STRBP: variants seen among roughly 807,000 people sequenced by gnomAD.
STRBP encodes the protein spermatid perinuclear RNA binding protein.
A neutral mutation model predicts 80.1 loss-of-function variants in STRBP; 13 were observed. The observed-to-expected ratio is 0.16, with a 90% CI of 0.11 to 0.26. The LOEUF is 0.26. Ranked by LOEUF, STRBP falls within the 10% of genes least tolerant of loss-of-function variation. The probability of loss-of-function intolerance (pLI) is 1.00; values close to 1 mark genes in which losing one functional copy is unlikely to be tolerated. For missense variants in STRBP, 485 were observed against 815.2 expected (o/e 0.59, Z 4.93); for synonymous variants, 284 against 291.2 (o/e 0.98, Z 0.25).
At chr9:123,170,477 G>A (rs1249902958) in intron 5 of STRBP, among the ~76,000 whole-genome samples, 1 of 152,102 alleles carries the variant, frequency 6.6e-6, no homozygotes, top group Non-Finnish European at 1.5e-5. Flanking sequence ...CTCCTACTTG[G>A]CAAAAACTTA....
chr9:123,131,305 G>A (rs1042506431), intron 17 of STRBP, among the ~76,000 whole-genome samples: 1 of 152,188 alleles, frequency 6.6e-6, no homozygotes, highest in Non-Finnish European at 1.5e-5. Flanking sequence ...ACTGTGCTTA[G>A]GGTTCTAAGA....
In STRBP at chr9:123,115,345, AGACCTGGGAACG is replaced by A; in HGVS notation, c.*84+572_*84+583del. ...TGGCTCCTCTCCTGCCCTCGGCGGG[AGACCTGGGAACG>A]GGCCTGCCAGCGCCCAGCCCAGGGC... On this transcript the variant is annotated intron_variant and NMD_transcript_variant, in intron 3 of 3. Coordinates refer to the STRBP transcript ENST00000471564. The surrounding 1 kb of genome is among the most constrained non-coding windows in gnomAD (Gnocchi z 5.0). The A allele has an allele frequency of 2.1e-6, 1 of 470,992 alleles. No individual in the cohort carries two copies. The highest frequency in any genetic ancestry group is 1.5e-5 in the South Asian group (1 of 64,556). The allele number at this position is 470,992 out of a possible 1,614,324, so 29.2% of individuals were successfully genotyped here. A position where few individuals can be genotyped will look rare whatever the true frequency, so the allele number is the denominator to read the frequency against.
intron 2 of STRBP, among the ~76,000 whole-genome samples, chr9:123,232,313 G>A (rs923392439): frequency 3.9e-5 from 6 of 151,912 alleles, no homozygotes; most frequent in African/African-American, 1.5e-4. Context: ...TCCATCTCAA[G>A]AAAAAAGAAA....
rs2036551098 is a variant in STRBP at position 123,140,609 on chromosome 9, CAAAA to C, written c.1339-926_1339-923del. Among the ~76,000 whole-genome samples the C allele has an allele frequency of 3.3e-5, 5 of 151,862 alleles. 1 individual carries two copies. The South Asian group carries it at 8.3e-4, about 25-fold the overall frequency. Reference sequence around the variant, plus strand: ...ACTCTGTCTCAAAAAAACAAACAAACAAAACAAACAAACAAACAAAAAAAAACAA... The same window carrying C: ...ACTCTGTCTCAAAAAAACAAACAAACCAAACAAACAAACAAAAAAAAACAA... On this transcript the variant is annotated intron_variant, in intron 13 of 18. Transcript: ENST00000348403.
intron 9 of STRBP, 48 bp downstream of exon 9, chr9:123,159,048 A>T: frequency 6.9e-7 from 1 of 1,451,404 alleles, no homozygotes; most frequent in Non-Finnish European, 9.7e-7. Context: ...AAAATAAACT[A>T]AACTGAGATT....
At chr9:123,153,739 T>C (rs1413240827) in intron 11 of STRBP, among the ~76,000 whole-genome samples, 1 of 152,170 alleles carries the variant, frequency 6.6e-6, no homozygotes, top group East Asian at 1.9e-4. Context: ...TTTTGATATT[T>C]TGGTCTGAGT....
At chr9:123,206,300 A>G (rs1368288534) in intron 2 of STRBP, among the ~76,000 whole-genome samples, 1 of 152,242 alleles carries the variant, frequency 6.6e-6, no homozygotes, top group Non-Finnish European at 1.5e-5. Context: ...AGATAAAGCT[A>G]AAAAACAGAC....
intron 2 of STRBP, among the ~76,000 whole-genome samples, chr9:123,210,135 C>T (rs1297945557): frequency 6.6e-6 from 1 of 152,168 alleles, no homozygotes; most frequent in Non-Finnish European, 1.5e-5. Context: ...CTATCTTCTT[C>T]ATCTATTCTA....
In STRBP at chr9:123,222,951, C is replaced by CA. The variant is rs895203103; in HGVS notation, c.-165+13878dup. ...AAAAGATGTCTTTCGAGGTGAATAC[C>CA]AAAAAAAAAAGGCAAATGATAGCAA... On this transcript the variant is annotated intron_variant, in intron 2 of 18. Transcript: ENST00000348403. Among the ~76,000 whole-genome samples, 80 of 135,746 alleles carry CA rather than the reference C, an allele frequency of 5.9e-4. 1 individual carries two copies. Among genetic ancestry groups the CA allele is most frequent in the African/African-American group, 1.1e-3 (39 of 36,876 alleles). The allele number at this position is 135,746 out of a possible 152,430, so 89.1% of individuals were successfully genotyped here.
chr9:123,255,937 C>G (rs925167863), intron 1 of STRBP, among the ~76,000 whole-genome samples: 1 of 151,764 alleles, frequency 6.6e-6, no homozygotes, highest in Non-Finnish European at 1.5e-5. Context: ...AGGCTTGAAA[C>G]CCTGTAGTTG....
intron 2 of STRBP, among the ~76,000 whole-genome samples, chr9:123,200,570 CTTTT>C (rs1225601723): frequency 1.5e-5 from 2 of 134,498 alleles, no homozygotes; most frequent in Admixed American, 7.5e-5. Flanking sequence ...ATTTTTTTGT[CTTTT>C]TTTTTTTTTT....
chr9:123,191,197 T>TG (rs1196622671), intron 2 of STRBP, among the ~76,000 whole-genome samples: 1 of 151,904 alleles, frequency 6.6e-6, no homozygotes, highest in Non-Finnish European at 1.5e-5. Flanking sequence ...AGATAATACA[T>TG]GGAGAGGGAG....
At chr9:123,172,545 T>C (rs973167090) in intron 5 of STRBP, among the ~76,000 whole-genome samples, 2 of 152,138 alleles carry the variant, frequency 1.3e-5, no homozygotes. Flanking sequence ...CCAGAAAACA[T>C]TTCTCCATCA....
At position 123,110,177 on chromosome 9, in the gene STRBP, C is replaced by T. The variant is rs1258996236; in HGVS notation, c.*85-424G>A. 6.6e-6 allele frequency: 1 copy of T among 152,260 alleles called. No homozygotes were observed. The highest frequency in any genetic ancestry group is 2.4e-5 in the African/African-American group (1 of 41,418). The allele number at this position is 152,260 out of a possible 1,614,324, so 9.4% of individuals were successfully genotyped here. ...GGTCTAGACTGGCTGCACCTCCCAC[C>T]TTCCCAGACAGAGTTCTGCTTGGAG... On this transcript the variant is annotated intron_variant and NMD_transcript_variant, in intron 3 of 3. Coordinates refer to the STRBP transcript ENST00000471564. This position sits in a 1 kb window ranked among gnomAD's most constrained non-coding sequence, Gnocchi z 4.1.
At chr9:123,147,151 A>G in intron 12 of STRBP, 97 bp from the exon 13 acceptor site, 2 of 927,820 alleles carry the variant, frequency 2.2e-6, no homozygotes, top group Non-Finnish European at 3.2e-6. Flanking sequence ...AATTCACCAA[A>G]ATTTTTTTAA....
At chr9:123,173,587 T>G (rs1357239209) in intron 5 of STRBP, 90 bp downstream of exon 5, 4 of 1,373,680 alleles carry the variant, frequency 2.9e-6, no homozygotes, top group Non-Finnish European at 3.9e-6. Context: ...CTATTAGCTA[T>G]TAGCAATTCT....
rs2035883677 is a variant in STRBP, at chr9:123,126,102, G to GCAAA, written c.1943-430_1943-429insTTTG. ...CAGCTCCAGCTGGAGCCATGGCCAG[G>GCAAA]CGTTTACTTAACTTCTTAATGGCTA... On this transcript the variant is annotated intron_variant, in intron 18 of 18. Transcript: ENST00000348403. This position sits in a 1 kb window ranked among gnomAD's most constrained non-coding sequence, Gnocchi z 4.4. Among the ~76,000 whole-genome samples the GCAAA allele has an allele frequency of 6.6e-6, 1 of 152,208 alleles. No individual in the cohort carries two copies. Among genetic ancestry groups the GCAAA allele is most frequent in the Non-Finnish European group, 1.5e-5 (1 of 68,032 alleles).
At chr9:123,113,810 G>C (rs2035604558) in intron 3 of STRBP, 1 of 167,088 alleles carries the variant, frequency 6.0e-6, no homozygotes. Context: ...GCAGGGGTTG[G>C]CAAACTACAG....
At chr9:123,184,544 G>T (rs571125970) in intron 2 of STRBP, among the ~76,000 whole-genome samples, 2 of 152,236 alleles carry the variant, frequency 1.3e-5, no homozygotes, top group Non-Finnish European at 2.9e-5. Context: ...CACTCAATGA[G>T]ATAAATACAT....
Sources: gnomAD v4.1 joint callset for allele counts (sites outside exome capture counted in the v4.1 genomes callset) on GRCh38, gnomAD v4.1.1 for gene constraint, Gnocchi (gnomAD v3.1) non-coding constraint, MANE v1.5 for transcripts, NCBI Gene and HGNC (gene_info 2026-07-23, HGNC 2026-07-21) for gene names.